The following IL6R variants were observed in gnomAD, a reference collection of about 807,000 sequenced individuals.
IL6R encodes interleukin-6 receptor subunit alpha.
A neutral mutation model predicts 48.3 loss-of-function variants in IL6R; 38 were observed. The observed-to-expected ratio is 0.79, with a 90% CI of 0.61 to 1.03. The LOEUF is 1.03. Ranked by LOEUF, IL6R falls within the 50% of genes least tolerant of loss-of-function variation. The pLI is 0.00. For synonymous variants in IL6R, 264 were observed against 256.2 expected, an observed-to-expected ratio of 1.03 and a Z score of -0.29; for missense variants, 534 against 618.3, an observed-to-expected ratio of 0.86 and a Z score of 1.45.
intron 3 of IL6R, 93 bp from the exon 4 acceptor site, chr1:154,434,426 T>A: frequency 8.8e-7 from 1 of 1,139,436 alleles, no homozygotes; most frequent in Non-Finnish European, 1.3e-6. Context: ...GGAGCTGGGA[T>A]TCAAACCCCG....
intron 1 of IL6R, among the ~76,000 whole-genome samples, chr1:154,414,041 A>G (rs965529437): frequency 2.6e-5 from 4 of 151,912 alleles, no homozygotes; most frequent in African/African-American, 4.8e-5. Context: ...TATTTTTTGT[A>G]GAGACGGGAT....
Position 154,454,485 on chromosome 1 carries a change from T to A in IL6R, c.1067-3T>A. 6.3e-7 allele frequency: 1 copy of A among 1,599,516 alleles called. No individual in the cohort carries two copies. Among genetic ancestry groups the A allele is most frequent in the African/African-American group, 1.3e-5 (1 of 74,834 alleles). On this transcript the variant is annotated splice_region_variant and splice_polypyrimidine_tract_variant and intron_variant, in intron 8 of 9. Transcript: ENST00000368485. Reference sequence around the variant, plus strand: ...TCTATCTTCAATTTTTTTTTTAACCTAGTGCAAGATTCTTCTTCAGTACCA... The same window carrying A: ...TCTATCTTCAATTTTTTTTTTAACCAAGTGCAAGATTCTTCTTCAGTACCA...
chr1:154,426,941 G>A (rs1371363206), intron 1 of IL6R, among the ~76,000 whole-genome samples: 6 of 146,214 alleles, frequency 4.1e-5, no homozygotes, highest in East Asian at 2.0e-4. Context: ...TTTTTGAGAC[G>A]GAGCTTCGCT....
chr1:154,426,919 ATT>A (rs397825571), intron 1 of IL6R, among the ~76,000 whole-genome samples: 1 of 143,090 alleles, frequency 7.0e-6, no homozygotes. Context: ...GGGACTCAGA[ATT>A]TTTTTTTTTT....
Position 154,430,508 on chromosome 1 carries a change from CT to C in IL6R, c.361del (p.Cys121AlafsTer22). On this transcript the variant is annotated frameshift_variant, in exon 3 of 10. Coordinates refer to ENST00000368485, the MANE Select transcript of IL6R (RefSeq NM_000565.4). LOFTEE classifies it high-confidence loss of function. ...TTCCCCCCGAGGAGCCCCAGCTCTCCTGCTTCCGGAAGAGCCCCCTCAGCAA... is the reference window on the plus strand; with the variant it reads ...TTCCCCCCGAGGAGCCCCAGCTCTCCGCTTCCGGAAGAGCCCCCTCAGCAA... ...DVPPEEPQLSCFRKSPLSNVV... is the reference protein window; with the variant it reads ...DVPPEEPQLSXFRKSPLSNVV... 1 of 1,613,980 alleles carries C rather than the reference CT, an allele frequency of 6.2e-7. No individual in the cohort carries two copies. The highest frequency in any genetic ancestry group is 8.5e-7 in the Non-Finnish European group (1 of 1,179,938).
chr1:154,410,177 C>G (rs754799019), intron 1 of IL6R, among the ~76,000 whole-genome samples: 6 of 152,066 alleles, frequency 3.9e-5, no homozygotes, highest in Non-Finnish European at 7.4e-5. Flanking sequence ...GTGCTAAATG[C>G]CAGGTCATAA....
chr1:154,442,315 T>G (rs1253849154), intron 6 of IL6R, among the ~76,000 whole-genome samples: 1 of 152,070 alleles, frequency 6.6e-6, no homozygotes, highest in Non-Finnish European at 1.5e-5. Context: ...AGGTGACAAT[T>G]GAATTATGTC....
intron 1 of IL6R, among the ~76,000 whole-genome samples, chr1:154,415,306 ATAT>A (rs938161623): frequency 2.0e-5 from 3 of 152,202 alleles, no homozygotes; most frequent in Admixed American, 6.5e-5. Flanking sequence ...GAATTTATTA[ATAT>A]TATGGATGAG....
intron 1 of IL6R, among the ~76,000 whole-genome samples, chr1:154,411,177 G>A (rs1449748218): frequency 6.6e-6 from 1 of 152,274 alleles, no homozygotes; most frequent in East Asian, 1.9e-4. Flanking sequence ...TCCTGCCTCT[G>A]CCTCCAGAGT....
chr1:154,424,963 G>A (rs75869035), intron 1 of IL6R, among the ~76,000 whole-genome samples: 1 of 152,188 alleles, frequency 6.6e-6, no homozygotes, highest in Non-Finnish European at 1.5e-5. Context: ...GCATGAGAGG[G>A]TTGTGATTGA....
intron 1 of IL6R, among the ~76,000 whole-genome samples, chr1:154,417,971 G>A (rs897806944): frequency 6.6e-6 from 1 of 152,158 alleles, no homozygotes; most frequent in Non-Finnish European, 1.5e-5. Flanking sequence ...CTGACCTTGT[G>A]ATCCGACCTT....
chr1:154,444,955 G>T, intron 6 of IL6R: 1 of 412,868 alleles, frequency 2.4e-6, no homozygotes, highest in South Asian at 1.7e-5. Flanking sequence ...CCCAAATGAG[G>T]AAGGGTGAAA....
At chr1:154,435,779 AC>A (rs1408537342) in intron 5 of IL6R, among the ~76,000 whole-genome samples, 189 bp from the exon 6 acceptor site, 1 of 152,104 alleles carries the variant, frequency 6.6e-6, no homozygotes, top group East Asian at 1.9e-4. Context: ...TGGGGCAGGG[AC>A]TTTCTGCTTC....
chr1:154,464,275 CT>C (rs1183959748), intron 9 of IL6R, among the ~76,000 whole-genome samples: 1 of 151,922 alleles, frequency 6.6e-6, no homozygotes, highest in Non-Finnish European at 1.5e-5. Context: ...CTGCCTCAGC[CT>C]CCCAAGTATC....
chr1:154,417,656 A>G (rs539496795), intron 1 of IL6R, among the ~76,000 whole-genome samples: 7 of 151,136 alleles, frequency 4.6e-5, no homozygotes, highest in Admixed American at 2.0e-4. Flanking sequence ...TGCAAACTCC[A>G]TCTCCGGGGT....
At position 154,465,343 on chromosome 1, in the gene IL6R, A is replaced by G; in HGVS notation, c.1370A>G (p.Tyr457Cys). 6.2e-7 allele frequency: 1 copy of G among 1,614,204 alleles called. No homozygotes were observed. The highest frequency in any genetic ancestry group is 8.5e-7 in the Non-Finnish European group (1 of 1,180,016). Residue 457 changes from tyrosine (Y) to cysteine (C), a missense_variant, in exon 10 of 10, where the codon TAT (tyrosine) becomes TGT (cysteine). Coordinates refer to ENST00000368485, the MANE Select transcript of IL6R (RefSeq NM_000565.4). ...GATGCCAGGGACCCACGGAGCCCTT[A>G]TGACATCAGCAATACAGACTACTTC... ...RPDARDPRSP[Y>C]DISNTDYFFP...
chr1:154,409,467 T>C (rs921124432), intron 1 of IL6R, among the ~76,000 whole-genome samples: 9 of 152,178 alleles, frequency 5.9e-5, no homozygotes, highest in Admixed American at 5.9e-4. Flanking sequence ...TGATAACACC[T>C]TGGGCAAGTG....
intron 1 of IL6R, among the ~76,000 whole-genome samples, chr1:154,413,769 C>CT (rs1266706392): frequency 0.2 from 22,704 of 111,606 alleles, 2,367 homozygotes; most frequent in Non-Finnish European, 0.22. Flanking sequence ...TCATACATGA[C>CT]TTTTTTTTTT....
intron 1 of IL6R, among the ~76,000 whole-genome samples, chr1:154,424,213 C>T (rs370499739): frequency 1.3e-4 from 20 of 152,202 alleles, no homozygotes; most frequent in African/African-American, 4.8e-4. Context: ...TCCCTGTGGG[C>T]ACCCCTAACA....
Sources: gnomAD v4.1 joint callset for allele counts (sites outside exome capture counted in the v4.1 genomes callset) on GRCh38, gnomAD v4.1.1 for gene constraint, MANE v1.5 for transcripts, NCBI Gene and HGNC (gene_info 2026-07-23, HGNC 2026-07-21) for gene names.